DLG2: variants seen among roughly 807,000 people sequenced by gnomAD.
The protein encoded by DLG2 is discs large MAGUK scaffold protein 2, also known as disks large homolog 2.
Under a neutral mutation model 132.5 loss-of-function variants are expected in DLG2, and 45 were observed. The observed-to-expected ratio is 0.34, with a 90% CI of 0.27 to 0.44. The LOEUF (loss-of-function observed/expected upper bound fraction) is 0.44. Ranked by LOEUF, DLG2 falls within the 20% of genes least tolerant of loss-of-function variation. DLG2 has a pLI of 1.00. For missense variants in DLG2, 1,045 were observed against 1,196.9 expected (o/e 0.87, Z 1.87); for synonymous variants, 424 against 419.6 (o/e 1.01, Z -0.13).
chr11:85,463,602 A>G (rs953338048), intron 3 of DLG2, among the ~76,000 whole-genome samples: 1 of 152,152 alleles, frequency 6.6e-6, no homozygotes, highest in Non-Finnish European at 1.5e-5. Flanking sequence ...TACATAGTCT[A>G]TAAAAAAATT....
chr11:83,710,734 A>C (rs1285219085), intron 18 of DLG2, among the ~76,000 whole-genome samples: 1 of 152,226 alleles, frequency 6.6e-6, no homozygotes, highest in East Asian at 1.9e-4. Context: ...AGTCTTGTAA[A>C]TACAACAGAA....
intron 7 of DLG2, among the ~76,000 whole-genome samples, chr11:84,416,332 G>T (rs933884248): frequency 8.5e-5 from 13 of 152,160 alleles, no homozygotes; most frequent in Non-Finnish European, 1.5e-5. Context: ...AAAAATCAGT[G>T]TTTCCAGAGA....
intron 6 of DLG2, among the ~76,000 whole-genome samples, chr11:84,544,043 C>G (rs1445495355): frequency 6.6e-6 from 1 of 152,128 alleles, no homozygotes; most frequent in Admixed American, 6.6e-5. Context: ...TTCTAAGATC[C>G]TTTTTAAGGA....
chr11:83,630,820 A>G (rs2153455194), intron 19 of DLG2, among the ~76,000 whole-genome samples: 1 of 152,286 alleles, frequency 6.6e-6, no homozygotes, highest in South Asian at 2.1e-4. Context: ...CTGTAAATTA[A>G]GCAGAGGGCC....
rs185798836 is a variant in DLG2, at chr11:85,046,550, C to A, written c.357+65111G>T. Among the ~76,000 whole-genome samples the A allele has an allele frequency of 2.0e-5, 3 of 151,666 alleles. No individual in the cohort carries two copies. In the East Asian group the frequency reaches 5.8e-4, roughly 29 times the overall value. The stretch of plus-strand genomic sequence containing the variant: ...GTAGACTATTCCTAATGTAATCCAC[C>A]AGGAGGGCACTTTGACTCCAAACAT... On this transcript the variant is annotated intron_variant, in intron 6 of 27. Transcript: ENST00000376104.
rs191177871 is a variant in DLG2, at chr11:85,222,189, C to T, written c.186+63031G>A. 3.2e-4 allele frequency among the ~76,000 whole-genome samples: 49 copies of T among 152,254 alleles called. No homozygotes were observed. The East Asian group carries it at 9.5e-3, about 29-fold the overall frequency. ...CCACGTTGGCCAGGCTGGTCTCTAA[C>T]TCCTGACCTCAAGTGATCCGCCTGT... On this transcript the variant is annotated intron_variant, in intron 4 of 27. Coordinates refer to ENST00000376104, the MANE Select transcript of DLG2 (RefSeq NM_001142699.3).
At chr11:84,167,838 G>A (rs1426074718) in intron 8 of DLG2, among the ~76,000 whole-genome samples, 1 of 151,982 alleles carries the variant, frequency 6.6e-6, no homozygotes, top group African/African-American at 2.4e-5. Context: ...AGCTAATTTT[G>A]TATATTTAGT....
At chr11:84,161,145 T>G (rs1215177858) in intron 9 of DLG2, among the ~76,000 whole-genome samples, 4 of 152,100 alleles carry the variant, frequency 2.6e-5, no homozygotes, top group Admixed American at 2.6e-4. Context: ...GAGGAAAGTG[T>G]TGGCTTAACC....
chr11:83,718,573 C>T (rs73509278), intron 18 of DLG2, among the ~76,000 whole-genome samples: 2 of 149,290 alleles, frequency 1.3e-5, no homozygotes, highest in African/African-American at 4.9e-5. Flanking sequence ...AGAAATATCC[C>T]ATGTTATGGA....
chr11:83,835,578 A>T (rs1315396393), intron 16 of DLG2, among the ~76,000 whole-genome samples: 1 of 152,182 alleles, frequency 6.6e-6, no homozygotes, highest in Non-Finnish European at 1.5e-5. Flanking sequence ...CTGTGGCTGA[A>T]CTGAGTGAAT....
At chr11:84,501,748 A>G (rs2099206387) in intron 7 of DLG2, among the ~76,000 whole-genome samples, 1 of 152,338 alleles carries the variant, frequency 6.6e-6, no homozygotes, top group South Asian at 2.1e-4. Flanking sequence ...TGTTCTCTAA[A>G]TTACATTTTA....
At chr11:84,747,018 T>A (rs1156592404) in intron 6 of DLG2, among the ~76,000 whole-genome samples, 1 of 152,182 alleles carries the variant, frequency 6.6e-6, no homozygotes, top group Admixed American at 6.5e-5. Flanking sequence ...ACATGGCCAG[T>A]CCAGAACCAA....
intron 6 of DLG2, among the ~76,000 whole-genome samples, chr11:84,581,324 T>C (rs1388392722): frequency 1.3e-5 from 2 of 152,184 alleles, no homozygotes; most frequent in African/African-American, 4.8e-5. Flanking sequence ...GCCAGGCCTT[T>C]CTTAGTAAAG....
At chr11:83,914,245 T>TA (rs1232709467) in intron 15 of DLG2, among the ~76,000 whole-genome samples, 1 of 152,050 alleles carries the variant, frequency 6.6e-6, no homozygotes, top group Non-Finnish European at 1.5e-5. Context: ...GATCTGGCTG[T>TA]AAAAAACAAT....
In DLG2 at chr11:85,192,115, A is replaced by G. The variant is rs1287255564; in HGVS notation, c.187-37464T>C. Among the ~76,000 whole-genome samples the G allele has an allele frequency of 2.0e-5, 3 of 152,234 alleles. No homozygotes were observed. In the East Asian group the frequency reaches 5.8e-4, roughly 29 times the overall value. ...ACGCTTATCATGGTGGAATTCGCGT[A>G]CAGGCTTTGGAGACAAAAAGACTTA... On this transcript the variant is annotated intron_variant, in intron 4 of 27. Coordinates refer to ENST00000376104, the MANE Select transcript of DLG2 (RefSeq NM_001142699.3).
At chr11:85,434,348 C>T (rs925704480) in intron 3 of DLG2, among the ~76,000 whole-genome samples, 2 of 149,892 alleles carry the variant, frequency 1.3e-5, no homozygotes, top group Admixed American at 6.6e-5. Context: ...GAGATAGAGA[C>T]ACGAAAAACC....
chr11:84,398,407 G>C (rs569064538), intron 7 of DLG2, among the ~76,000 whole-genome samples: 2 of 152,132 alleles, frequency 1.3e-5, no homozygotes, highest in Non-Finnish European at 2.9e-5. Flanking sequence ...GGTATCTAAG[G>C]TTTTGGAAGT....
chr11:85,014,400 T>C lies in DLG2; in HGVS notation c.357+97261A>G, dbSNP rs184299332. ...TTTTTAATTTAGGAAAGAGTAGGTATTACTTAAGGATGACTTGCTTTCATC... is the reference window on the plus strand; with the variant it reads ...TTTTTAATTTAGGAAAGAGTAGGTACTACTTAAGGATGACTTGCTTTCATC... On this transcript the variant is annotated intron_variant, in intron 6 of 27. Coordinates refer to ENST00000376104, the MANE Select transcript of DLG2 (RefSeq NM_001142699.3). 5.9e-5 allele frequency among the ~76,000 whole-genome samples: 9 copies of C among 152,284 alleles called. No homozygotes were observed. The East Asian group carries it at 1.3e-3, about 23-fold the overall frequency.
At chr11:85,203,473 T>C (rs1472683292) in intron 4 of DLG2, among the ~76,000 whole-genome samples, 4 of 151,956 alleles carry the variant, frequency 2.6e-5, no homozygotes, top group African/African-American at 7.2e-5. Context: ...TCTGGACATA[T>C]ACAACTTACC....
Sources: gnomAD v4.1 joint callset for allele counts (sites outside exome capture counted in the v4.1 genomes callset) on GRCh38, gnomAD v4.1.1 for gene constraint, MANE v1.5 for transcripts, NCBI Gene and HGNC (gene_info 2026-07-23, HGNC 2026-07-21) for gene names.